The following JMJD1C variants were observed in gnomAD, a reference collection of about 807,000 sequenced individuals.
JMJD1C encodes the protein jumonji domain containing 1C.
Under a neutral mutation model 245.3 loss-of-function variants are expected in JMJD1C, and 31 were observed. The ratio of observed to expected loss-of-function variants is 0.13; its 90% CI spans 0.09 to 0.17. The LOEUF (loss-of-function observed/expected upper bound fraction) is 0.17. Ranked by LOEUF, JMJD1C falls within the 10% of genes least tolerant of loss-of-function variation. The probability of loss-of-function intolerance (pLI) is 1.00; values close to 1 mark genes in which losing one functional copy is unlikely to be tolerated. For missense variants in JMJD1C, 2,691 were observed against 3,000.2 expected (o/e 0.90, Z 2.41); for synonymous variants, 1,057 against 1,017.4 (o/e 1.04, Z -0.74).
Position 63,193,031 on chromosome 10 carries a change from C to A in JMJD1C, c.5983G>T (p.Gly1995Cys), listed in dbSNP as rs1419356544. Residue 1995 changes from glycine (G) to cysteine (C), a missense_variant, in exon 16 of 26, where the codon GGC becomes TGC. Around this residue, in one of 9 missense-constraint regions of JMJD1C, gnomAD observed 275 missense variants for 285.5 expected, o/e 0.96. Transcript: ENST00000399262. ...NGGSSPESDV[G>C]TDNKLTPPES... ...GGAGGAGTTAACTTGTTATCTGTGC[C>A]TACATCACTCTCTGGGCTGCTGCCA... 1.2e-6 allele frequency: 2 copies of A among 1,614,104 alleles called. No homozygotes were observed. Among genetic ancestry groups the A allele is most frequent in the South Asian group, 2.2e-5 (2 of 91,078 alleles).
intron 1 of JMJD1C, among the ~76,000 whole-genome samples, chr10:63,433,581 C>CTT (rs1564915581): frequency 7.1e-6 from 1 of 140,192 alleles, no homozygotes; most frequent in Non-Finnish European, 1.6e-5. Context: ...CTTTTCTTTT[C>CTT]TTTTCTTTTT....
chr10:63,177,581 C>G (rs1015763819), intron 23 of JMJD1C, 136 bp downstream of exon 23: 4 of 856,484 alleles, frequency 4.7e-6, no homozygotes, highest in Non-Finnish European at 7.3e-6. Flanking sequence ...TTTTGACTTT[C>G]AACAAAAACT....
Position 63,292,819 on chromosome 10 carries a change from C to A in JMJD1C, c.334-28055G>T, listed in dbSNP as rs756126464. On this transcript the variant is annotated intron_variant, in intron 2 of 25. Coordinates refer to ENST00000399262, the MANE Select transcript of JMJD1C (RefSeq NM_032776.3). Reference sequence around the variant, plus strand: ...CAGCACTTTGGGAGGCTGAAGTGGGCGGATCGCCTGAGGTCAGGAGTTAGA... The same window carrying A: ...CAGCACTTTGGGAGGCTGAAGTGGGAGGATCGCCTGAGGTCAGGAGTTAGA... 2.0e-5 allele frequency among the ~76,000 whole-genome samples: 3 copies of A among 151,802 alleles called. No individual in the cohort carries two copies. In the South Asian group the frequency reaches 6.2e-4, roughly 32 times the overall value.
chr10:63,193,530 ATTT>A (rs1210767670), intron 14 of JMJD1C, 58 bp from the exon 15 acceptor site: 1 of 1,283,780 alleles, frequency 7.8e-7, no homozygotes, highest in Non-Finnish European at 1.1e-6. Flanking sequence ...ATGCTGTAAA[ATTT>A]TTTTCTTACA....
At position 63,337,298 on chromosome 10, in the gene JMJD1C, C is replaced by T. The variant is rs1308179746; in HGVS notation, c.333+43020G>A. Among the ~76,000 whole-genome samples, 17 of 150,606 alleles carry T rather than the reference C, an allele frequency of 1.1e-4. No homozygotes were observed. In the South Asian group the frequency reaches 1.3e-3, roughly 11 times the overall value. ...GTCTACTGAAAATATAAAAATTAGC[C>T]GGGCGTGGTGGCACACGCCTGTAGT... On this transcript the variant is annotated intron_variant, in intron 2 of 25. Transcript: ENST00000399262.
chr10:63,188,557 AAATTT>A (rs1844402752), intron 18 of JMJD1C, among the ~76,000 whole-genome samples: 1 of 152,336 alleles, frequency 6.6e-6, no homozygotes, highest in East Asian at 1.9e-4. Context: ...AGAAAACAAT[AAATTT>A]AACAGAATAC....
At chr10:63,474,202 C>T (rs1953586442) in intron 1 of JMJD1C, among the ~76,000 whole-genome samples, 2 of 152,072 alleles carry the variant, frequency 1.3e-5, no homozygotes, top group South Asian at 2.1e-4. Context: ...CTCAGTAATT[C>T]GACTCCTTGG....
intron 2 of JMJD1C, among the ~76,000 whole-genome samples, chr10:63,275,345 T>C (rs965444486): frequency 5.3e-4 from 80 of 152,258 alleles, no homozygotes; most frequent in African/African-American, 1.8e-3. Context: ...TGGAGAAAAA[T>C]GAAGCCTGTC....
chr10:63,381,561 T>C (rs1947222655), intron 1 of JMJD1C, among the ~76,000 whole-genome samples: 2 of 152,050 alleles, frequency 1.3e-5, no homozygotes, highest in African/African-American at 4.8e-5. Flanking sequence ...GTGGATCTCA[T>C]GGAGGTAGAG....
chr10:63,202,296 T>A (rs1846108974), intron 10 of JMJD1C: 1 of 984,530 alleles, frequency 1.0e-6, no homozygotes, highest in Admixed American at 6.1e-5. Context: ...GGATCAGCAA[T>A]TAGTTGTTGG....
chr10:63,495,567 T>C (rs1261416222), intron 1 of JMJD1C, among the ~76,000 whole-genome samples: 1 of 151,554 alleles, frequency 6.6e-6, no homozygotes, highest in African/African-American at 2.4e-5. Context: ...AGGTCAGGAG[T>C]TCGAGACCAG....
chr10:63,295,963 G>A (rs1389302178), intron 2 of JMJD1C, among the ~76,000 whole-genome samples: 1,397 of 9,722 alleles, frequency 0.14, 19 homozygotes, highest in African/African-American at 0.25. Flanking sequence ...ACGTATATGT[G>A]TGTGTGTGTG....
In JMJD1C at chr10:63,465,657, C is replaced by T. The variant is rs763334496; in HGVS notation, c.6G>A (p.Ala2=). 1.9e-6 allele frequency: 3 copies of T among 1,608,934 alleles called. No homozygotes were observed. The highest frequency in any genetic ancestry group is 1.1e-5 in the South Asian group (1 of 91,082). The part of the protein sequence containing the change: M[A]VETRAELVGK... Reference sequence around the variant, plus strand: ...CCACCAGCTCTGCCCGCGTCTCTACCGCCATAGCTGTCGCTGCCGAAGCGG... The same window carrying T: ...CCACCAGCTCTGCCCGCGTCTCTACTGCCATAGCTGTCGCTGCCGAAGCGG... The change falls in exon 1 of 26, where the codon GCG becomes GCA. Residue 2 remains alanine, a synonymous_variant. Coordinates refer to ENST00000399262, the MANE Select transcript of JMJD1C (RefSeq NM_032776.3).
upstream of JMJD1C, among the ~76,000 whole-genome samples, chr10:63,470,632 T>C (rs1397628818): frequency 6.6e-6 from 1 of 152,202 alleles, no homozygotes; most frequent in Non-Finnish European, 1.5e-5. Flanking sequence ...AGTCTATTCT[T>C]AGTCTTCTAA....
chr10:63,175,708 C>G (rs1312940989), intron 24 of JMJD1C, among the ~76,000 whole-genome samples: 1 of 152,164 alleles, frequency 6.6e-6, no homozygotes, highest in East Asian at 1.9e-4. Flanking sequence ...AAGGGTTAAC[C>G]TGGGCTGTAG....
intron 2 of JMJD1C, among the ~76,000 whole-genome samples, chr10:63,276,180 G>A (rs915633055): frequency 6.6e-6 from 1 of 152,046 alleles, no homozygotes; most frequent in African/African-American, 2.4e-5. Flanking sequence ...GAGATAGGCA[G>A]TTGAGGCCGG....
intron 1 of JMJD1C, among the ~76,000 whole-genome samples, chr10:63,394,750 A>C (rs1948345472): frequency 6.6e-6 from 1 of 152,064 alleles, no homozygotes; most frequent in African/African-American, 2.4e-5. Context: ...AGGCTGAGGC[A>C]GGAGAATCGC....
chr10:63,228,040 G>A (rs958407611), intron 3 of JMJD1C, among the ~76,000 whole-genome samples: 4 of 152,100 alleles, frequency 2.6e-5, no homozygotes, highest in Admixed American at 2.6e-4. Flanking sequence ...TATACCACCT[G>A]CAGTTAACTA....
intron 2 of JMJD1C, among the ~76,000 whole-genome samples, chr10:63,359,385 T>A (rs1171408451): frequency 2.0e-5 from 3 of 152,242 alleles, no homozygotes; most frequent in African/African-American, 7.2e-5. Context: ...CTAACTTTCA[T>A]TTTCTTAAAA....
Sources: gnomAD v4.1 joint callset for allele counts (sites outside exome capture counted in the v4.1 genomes callset) on GRCh38, gnomAD v4.1.1 for gene constraint, gnomAD v4.1.1 regional missense constraint, MANE v1.5 for transcripts, NCBI Gene and HGNC (gene_info 2026-07-23, HGNC 2026-07-21) for gene names.